The following ARMC3 variants were observed in gnomAD, a reference collection of about 807,000 sequenced individuals.
ARMC3 encodes armadillo repeat-containing protein 3.
In ARMC3, 74 loss-of-function variants were observed where a neutral mutation model predicts 90.3. That is an observed-to-expected ratio of 0.82 (90% CI 0.68 to 0.99). ARMC3 has a LOEUF of 0.99. Among genes scored for constraint, ARMC3 ranks in the 50% least tolerant of loss-of-function variants. The probability of loss-of-function intolerance (pLI) is 0.00; values close to 1 mark genes in which losing one functional copy is unlikely to be tolerated. For synonymous variants in ARMC3, 334 were observed against 361.8 expected, an observed-to-expected ratio of 0.92 and a Z score of 0.87; for missense variants, 958 against 1,042.8, an observed-to-expected ratio of 0.92 and a Z score of 1.12.
intron 2 of ARMC3, among the ~76,000 whole-genome samples, chr10:22,942,336 A>C (rs1012349370): frequency 2.6e-5 from 4 of 152,184 alleles, no homozygotes; most frequent in Non-Finnish European, 5.9e-5. Flanking sequence ...AGATAGAGAA[A>C]AATTAATGTA....
intron 16 of ARMC3, among the ~76,000 whole-genome samples, chr10:23,010,379 C>A (rs1837876595): frequency 8.8e-6 from 1 of 114,146 alleles, no homozygotes; most frequent in Non-Finnish European, 1.8e-5. Flanking sequence ...TCCTTCCCTT[C>A]CTTCCCCTCT....
intron 2 of ARMC3, among the ~76,000 whole-genome samples, chr10:22,934,559 A>G (rs1230547325): frequency 6.6e-6 from 1 of 152,224 alleles, no homozygotes; most frequent in Non-Finnish European, 1.5e-5. Context: ...ATGATTTAGT[A>G]TAAGGCGAGA....
chr10:22,979,466 A>T (rs965726774), intron 8 of ARMC3, among the ~76,000 whole-genome samples: 4 of 152,202 alleles, frequency 2.6e-5, no homozygotes, highest in Non-Finnish European at 4.4e-5. Context: ...AATTATTTTT[A>T]AAAATCTTTT....
chr10:22,946,221 G>A lies in ARMC3; in HGVS notation c.126G>A (p.Leu42=). The change falls in exon 3 of 19, where the codon TTG becomes TTA. Residue 42 remains leucine, a synonymous_variant. Coordinates refer to ENST00000298032, the MANE Select transcript of ARMC3 (RefSeq NM_173081.5). The part of the protein sequence containing the change: ...LMLNSPEEEI[L]AKACEAIYKF... ...TTAATTCTCCAGAAGAGGAAATTTT[G>A]GCTAAAGCATGTGAAGCCATTTATA... 6.2e-7 allele frequency: 1 copy of A among 1,612,286 alleles called. No individual in the cohort carries two copies. Among genetic ancestry groups the A allele is most frequent in the South Asian group, 1.1e-5 (1 of 90,474 alleles).
intron 16 of ARMC3, among the ~76,000 whole-genome samples, chr10:23,023,823 G>GA (rs768086518): frequency 4.3e-4 from 64 of 149,266 alleles, no homozygotes; most frequent in Admixed American, 6.7e-4. Flanking sequence ...AAATTAACTG[G>GA]AAAAAAAAAT....
At chr10:22,952,059 A>G (rs561665069) in intron 3 of ARMC3, among the ~76,000 whole-genome samples, 2 of 152,284 alleles carry the variant, frequency 1.3e-5, no homozygotes, top group African/African-American at 4.8e-5. Flanking sequence ...AGGGAGGTGG[A>G]GGTTGCAGTG....
At chr10:22,986,119 C>CG (rs1471679418) in intron 10 of ARMC3, among the ~76,000 whole-genome samples, 105 of 148,984 alleles carry the variant, frequency 7.0e-4, no homozygotes, top group African/African-American at 2.3e-3. Flanking sequence ...CGCCCCCCCC[C>CG]CGCGCCACAC....
chr10:23,033,935 G>A lies in ARMC3; in HGVS notation c.2409+912G>A, dbSNP rs181073851. Among the ~76,000 whole-genome samples the A allele has an allele frequency of 3.3e-5, 5 of 152,240 alleles. No homozygotes were observed. The East Asian group carries it at 7.7e-4, about 23-fold the overall frequency. On this transcript the variant is annotated intron_variant, in intron 18 of 18. Coordinates refer to ENST00000298032, the MANE Select transcript of ARMC3 (RefSeq NM_173081.5). ...AGAAGGATCAGGTTGAAGAGAGGGG[G>A]TGATCTTTTGCTCCATCATATCCAG...
Position 22,977,265 on chromosome 10 carries a change from T to C in ARMC3, c.917-4075T>C, listed in dbSNP as rs1227017426. The stretch of plus-strand genomic sequence containing the variant: ...GTCCTTAAGAAATTAAAAAACCTGC[T>C]TCCTCGTGCTGTAACCTAGTATAGC... On this transcript the variant is annotated intron_variant, in intron 8 of 18. Coordinates refer to ENST00000298032, the MANE Select transcript of ARMC3 (RefSeq NM_173081.5). Among the ~76,000 whole-genome samples, 3 of 152,246 alleles carry C rather than the reference T, an allele frequency of 2.0e-5. No homozygotes were observed. The East Asian group carries it at 5.8e-4, about 29-fold the overall frequency.
chr10:22,952,193 TATCTC>T (rs1452977421), intron 3 of ARMC3, among the ~76,000 whole-genome samples: 1 of 151,958 alleles, frequency 6.6e-6, no homozygotes, highest in Non-Finnish European at 1.5e-5. Flanking sequence ...ATATAATAGA[TATCTC>T]AGTATAAATC....
intron 7 of ARMC3, among the ~76,000 whole-genome samples, chr10:22,962,613 G>C (rs7896387): frequency 0.053 from 8,140 of 152,156 alleles, 427 homozygotes; most frequent in African/African-American, 0.14. Flanking sequence ...TAGTGAAACA[G>C]TAATAAACAG....
intron 16 of ARMC3, among the ~76,000 whole-genome samples, chr10:23,023,861 A>C (rs1420819851): frequency 6.6e-6 from 1 of 152,192 alleles, no homozygotes; most frequent in African/African-American, 2.4e-5. Flanking sequence ...CTTACGGGAC[A>C]ATAATAAAAG....
At chr10:23,028,304 C>T (rs952099154) in intron 16 of ARMC3, among the ~76,000 whole-genome samples, 7 of 152,094 alleles carry the variant, frequency 4.6e-5, no homozygotes, top group South Asian at 4.1e-4. Flanking sequence ...CTTTTAATTA[C>T]GTATTTCTCA....
intron 8 of ARMC3, among the ~76,000 whole-genome samples, chr10:22,978,152 T>C (rs1232356227): frequency 6.6e-6 from 1 of 152,258 alleles, no homozygotes; most frequent in East Asian, 1.9e-4. Flanking sequence ...AGATTCTGCC[T>C]TCTTTTCAGG....
intron 3 of ARMC3, among the ~76,000 whole-genome samples, chr10:22,954,442 AC>A (rs892879238): frequency 3.3e-4 from 50 of 151,860 alleles, no homozygotes; most frequent in African/African-American, 1.2e-3. Context: ...CAGGAGGATC[AC>A]TTGAGCCCAG....
At chr10:22,955,758 A>G (rs1480279270) in intron 3 of ARMC3, 49 bp from the exon 4 acceptor site, 1 of 1,606,662 alleles carries the variant, frequency 6.2e-7, no homozygotes, top group Non-Finnish European at 8.5e-7. Flanking sequence ...CAGAATGCTG[A>G]TGAGATCGAT....
chr10:22,945,041 G>A (rs1834471691), intron 2 of ARMC3, among the ~76,000 whole-genome samples: 1 of 152,144 alleles, frequency 6.6e-6, no homozygotes, highest in African/African-American at 2.4e-5. Context: ...GCTAGACAAT[G>A]CCGTTCTAAA....
chr10:22,975,519 C>T (rs943338342), intron 8 of ARMC3, among the ~76,000 whole-genome samples: 3 of 152,096 alleles, frequency 2.0e-5, no homozygotes, highest in African/African-American at 7.2e-5. Flanking sequence ...GAGCCAAGAT[C>T]GCACCATCGC....
chr10:22,963,073 G>C (rs116999778), intron 7 of ARMC3, among the ~76,000 whole-genome samples: 1,750 of 152,114 alleles, frequency 0.012, 17 homozygotes, highest in South Asian at 0.035. Flanking sequence ...CTAACCACAG[G>C]GTTTATCTGA....
Sources: gnomAD v4.1 joint callset for allele counts (sites outside exome capture counted in the v4.1 genomes callset) on GRCh38, gnomAD v4.1.1 for gene constraint, MANE v1.5 for transcripts, NCBI Gene and HGNC (gene_info 2026-07-23, HGNC 2026-07-21) for gene names.